The following ELOVL6 variants were observed in gnomAD, a reference collection of about 807,000 sequenced individuals.
ELOVL6 encodes ELOVL fatty acid elongase 6.
ELOVL6 carries 8 observed loss-of-function variants against 31.7 expected under a neutral mutation model. The ratio of observed to expected loss-of-function variants is 0.25; its 90% confidence interval spans 0.15 to 0.45. The LOEUF is 0.45. Ranked by LOEUF, ELOVL6 falls within the 20% of genes least tolerant of loss-of-function variation. The pLI, the probability that ELOVL6 is intolerant of heterozygous loss-of-function variation, is 1.00. For synonymous variants in ELOVL6, 101 were observed against 117.7 expected (o/e 0.86, Z 0.92); for missense variants, 126 against 326.4 (o/e 0.39, Z 4.73).
At chr4:110,108,488 T>A (rs1376678673) in intron 1 of ELOVL6, among the ~76,000 whole-genome samples, 2 of 152,196 alleles carry the variant, frequency 1.3e-5, no homozygotes, top group African/African-American at 4.8e-5. Context: ...GCCATTCACT[T>A]TTCCACAAGA....
At chr4:110,101,948 C>T (rs1410565989) in intron 2 of ELOVL6, among the ~76,000 whole-genome samples, 4 of 152,182 alleles carry the variant, frequency 2.6e-5, no homozygotes, top group African/African-American at 9.6e-5. Context: ...TCTGCTTTTG[C>T]CCCCCAAAAA....
chr4:110,171,593 G>A (rs760971374), intron 1 of ELOVL6, among the ~76,000 whole-genome samples: 1 of 151,458 alleles, frequency 6.6e-6, no homozygotes, highest in Non-Finnish European at 1.5e-5. Flanking sequence ...GGAGGGTGGT[G>A]CACGTAGGGA....
chr4:110,084,582 ATATATATTTTTTTTTTT>A lies in ELOVL6; in HGVS notation c.221+20898_221+20914del, dbSNP rs1214587896. Among the ~76,000 whole-genome samples the A allele has an allele frequency of 3.7e-4, 20 of 54,508 alleles. 1 individual carries two copies. The highest frequency in any genetic ancestry group is 1.7e-3 in the African/African-American group (13 of 7,574). The allele number at this position is 54,508 out of a possible 152,430, so 35.8% of individuals were successfully genotyped here. ...CACACAGATATATATATATATATATATATATATTTTTTTTTTTTTTTTTTTTTTTTGAGATGGAGTCT... is the reference window on the plus strand; with the variant it reads ...CACACAGATATATATATATATATATATTTTTTTTTTTTTGAGATGGAGTCT... On this transcript the variant is annotated intron_variant, in intron 2 of 3. Coordinates refer to ENST00000302274, the MANE Select transcript of ELOVL6 (RefSeq NM_024090.3).
rs140994067 is a variant in ELOVL6 at position 110,162,885 on chromosome 4, A to G, written c.89+35362T>C. Reference sequence around the variant, plus strand: ...AAAGCAGTTATTGGGACACTCATTGATGAAGAGAAAACTGAGTCTTCAGGA... The same window carrying G: ...AAAGCAGTTATTGGGACACTCATTGGTGAAGAGAAAACTGAGTCTTCAGGA... On this transcript the variant is annotated intron_variant, in intron 1 of 3. Transcript: ENST00000302274. Among the ~76,000 whole-genome samples, 24 of 152,322 alleles carry G rather than the reference A, an allele frequency of 1.6e-4. No individual in the cohort carries two copies. In the East Asian group the frequency reaches 3.9e-3, roughly 24 times the overall value.
At chr4:110,151,536 C>T (rs145742002) in intron 1 of ELOVL6, among the ~76,000 whole-genome samples, 97 of 152,064 alleles carry the variant, frequency 6.4e-4, no homozygotes, top group African/African-American at 2.2e-3. Context: ...TAATGAGTTG[C>T]CAATAAGATC....
At chr4:110,057,152 A>G (rs550256256) in intron 3 of ELOVL6, among the ~76,000 whole-genome samples, 2 of 152,334 alleles carry the variant, frequency 1.3e-5, no homozygotes, top group African/African-American at 2.4e-5. Context: ...AAGTACCTCA[A>G]ATACAGCTGT....
chr4:110,195,788 G>T (rs918898041), intron 1 of ELOVL6, among the ~76,000 whole-genome samples: 4 of 152,124 alleles, frequency 2.6e-5, no homozygotes, highest in Non-Finnish European at 5.9e-5. Context: ...CAACTCACTG[G>T]ACATTTTCTC....
chr4:110,138,470 G>A (rs144424718), intron 1 of ELOVL6, among the ~76,000 whole-genome samples: 3 of 152,254 alleles, frequency 2.0e-5, no homozygotes, highest in East Asian at 3.9e-4. Context: ...AACACACTAC[G>A]ATGTGTTTTG....
intron 1 of ELOVL6, among the ~76,000 whole-genome samples, chr4:110,113,426 A>G (rs902200618): frequency 6.6e-6 from 1 of 151,978 alleles, no homozygotes; most frequent in Admixed American, 6.6e-5. Context: ...CTACAAAAAA[A>G]TTAAAAATTA....
At chr4:110,165,899 A>C (rs989186218) in intron 1 of ELOVL6, among the ~76,000 whole-genome samples, 1 of 152,194 alleles carries the variant, frequency 6.6e-6, no homozygotes, top group Non-Finnish European at 1.5e-5. Flanking sequence ...ACATCTGGGA[A>C]GTGGGAAAAG....
rs769105390 is a variant in ELOVL6 at position 110,164,698 on chromosome 4, G to A, written c.89+33549C>T. ...CAAGGCTACAATGAGCCATGATCAC[G>A]CCACTGCACTCCAGCCTGGGTGAAA... On this transcript the variant is annotated intron_variant, in intron 1 of 3. Coordinates refer to ENST00000302274, the MANE Select transcript of ELOVL6 (RefSeq NM_024090.3). Among the ~76,000 whole-genome samples the A allele has an allele frequency of 2.8e-4, 39 of 140,804 alleles. 1 individual carries two copies. Among genetic ancestry groups the A allele is most frequent in the Admixed American group, 7.4e-4 (10 of 13,464 alleles). The allele number at this position is 140,804 out of a possible 152,430, so 92.4% of individuals were successfully genotyped here.
chr4:110,163,865 T>G (rs1032135301), intron 1 of ELOVL6, among the ~76,000 whole-genome samples: 1 of 152,074 alleles, frequency 6.6e-6, no homozygotes, highest in African/African-American at 2.4e-5. Context: ...GAATGGTGAG[T>G]TAAGGTCAAG....
At chr4:110,100,475 A>C (rs887070818) in intron 2 of ELOVL6, among the ~76,000 whole-genome samples, 1 of 151,118 alleles carries the variant, frequency 6.6e-6, no homozygotes, top group African/African-American at 2.4e-5. Flanking sequence ...TGGTTTGAAG[A>C]GGTTTCTTTT....
chr4:110,183,789 C>T (rs1192950743), intron 1 of ELOVL6, among the ~76,000 whole-genome samples: 2 of 152,098 alleles, frequency 1.3e-5, no homozygotes, highest in Non-Finnish European at 2.9e-5. Context: ...GGAGACCAGC[C>T]TGGGCAACGT....
At chr4:110,167,360 A>G (rs1758807246) in intron 1 of ELOVL6, among the ~76,000 whole-genome samples, 1 of 152,138 alleles carries the variant, frequency 6.6e-6, no homozygotes, top group Non-Finnish European at 1.5e-5. Context: ...TGTGTTTACA[A>G]ATTGGCCTTG....
chr4:110,091,667 G>T (rs1756431037), intron 2 of ELOVL6, among the ~76,000 whole-genome samples: 1 of 152,074 alleles, frequency 6.6e-6, no homozygotes, highest in African/African-American at 2.4e-5. Flanking sequence ...CCAGTTCCGG[G>T]TTAACACAAA....
At chr4:110,105,437 G>A (rs1560824995) in intron 2 of ELOVL6, 60 bp downstream of exon 2, 1 of 1,468,722 alleles carries the variant, frequency 6.8e-7, no homozygotes, top group South Asian at 1.3e-5. Context: ...CTCAATCATT[G>A]CATTCTTTCA....
rs1421553040 is a variant in ELOVL6, at chr4:110,051,321, C to T, written c.*17G>A. Reference sequence around the variant, plus strand: ...TCTTGATGACCCTGAGCTATGGCTTCCTCCTCAGTTCCAACACTATTCAGC... The same window carrying T: ...TCTTGATGACCCTGAGCTATGGCTTTCTCCTCAGTTCCAACACTATTCAGC... On this transcript the variant is annotated 3_prime_UTR_variant, in exon 4 of 4. Coordinates refer to ENST00000302274, the MANE Select transcript of ELOVL6 (RefSeq NM_024090.3). This position sits in a 1 kb window ranked among gnomAD's most constrained non-coding sequence, Gnocchi z 4.8. The T allele has an allele frequency of 6.2e-7, 1 of 1,608,696 alleles. No homozygotes were observed.
intron 1 of ELOVL6, among the ~76,000 whole-genome samples, chr4:110,167,677 G>C (rs1248094102): frequency 2.0e-5 from 3 of 150,056 alleles, no homozygotes; most frequent in African/African-American, 7.5e-5. Flanking sequence ...ATGTATGTAT[G>C]TATGTATGTA....
Sources: gnomAD v4.1 joint callset for allele counts (sites outside exome capture counted in the v4.1 genomes callset) on GRCh38, gnomAD v4.1.1 for gene constraint, Gnocchi (gnomAD v3.1) non-coding constraint, MANE v1.5 for transcripts, NCBI Gene and HGNC (gene_info 2026-07-23, HGNC 2026-07-21) for gene names.